Variants in ADCY8 observed in about 807,000 individuals in gnomAD.
ADCY8 encodes adenylate cyclase type 8.
Under a neutral mutation model 119.7 loss-of-function variants are expected in ADCY8, and 51 were observed. That is an observed-to-expected ratio of 0.43 (90% CI 0.34 to 0.54). The LOEUF is 0.54. Among genes scored for constraint, ADCY8 ranks in the 20% least tolerant of loss-of-function variants. The probability of loss-of-function intolerance (pLI) is 0.03; values close to 1 mark genes in which losing one functional copy is unlikely to be tolerated. For synonymous variants in ADCY8, 665 were observed against 651.0 expected (o/e 1.02, Z -0.33); for missense variants, 1,383 against 1,598.8 (o/e 0.87, Z 2.30).
At chr8:131,007,927 C>A (rs1035320741) in intron 1 of ADCY8, among the ~76,000 whole-genome samples, 3 of 152,132 alleles carry the variant, frequency 2.0e-5, no homozygotes, top group Admixed American at 2.0e-4. Flanking sequence ...ACATGAACAG[C>A]TGATTTTATT....
intron 15 of ADCY8, among the ~76,000 whole-genome samples, chr8:130,786,961 T>C (rs1246004079): frequency 2.0e-5 from 3 of 151,980 alleles, no homozygotes; most frequent in African/African-American, 7.3e-5. Flanking sequence ...GGGGCCAGCA[T>C]AGATGAGGTC....
Position 131,040,623 on chromosome 8 carries a change from C to G in ADCY8, c.-290G>C. 1 of 307,264 alleles carries G rather than the reference C, an allele frequency of 3.3e-6. No individual in the cohort carries two copies. Among genetic ancestry groups the G allele is most frequent in the Non-Finnish European group, 5.9e-6 (1 of 169,110 alleles). 19.0% of individuals were successfully genotyped at this position (307,264 alleles called of 1,614,324 possible). A position where few individuals can be genotyped will look rare whatever the true frequency, so the allele number is the denominator to read the frequency against. On this transcript the variant is annotated 5_prime_UTR_variant, in exon 1 of 18. Transcript: ENST00000286355. The stretch of plus-strand genomic sequence containing the variant: ...GGCAGTGGCTATTTGTCCTCAGGAG[C>G]CGCAGCGCTGTGAGCCACGCAGCCC...
At chr8:131,010,468 G>A (rs1483085335) in intron 1 of ADCY8, among the ~76,000 whole-genome samples, 1 of 152,140 alleles carries the variant, frequency 6.6e-6, no homozygotes, top group African/African-American at 2.4e-5. Context: ...GTTCACATCT[G>A]TGTCTTTAGT....
chr8:130,887,078 T>C (rs1337099699), intron 7 of ADCY8, among the ~76,000 whole-genome samples: 1 of 152,092 alleles, frequency 6.6e-6, no homozygotes, highest in Non-Finnish European at 1.5e-5. Flanking sequence ...ATCTACTTTG[T>C]CCTTATTTTT....
intron 1 of ADCY8, among the ~76,000 whole-genome samples, chr8:131,026,319 A>C (rs1362014449): frequency 6.6e-6 from 1 of 152,180 alleles, no homozygotes; most frequent in Non-Finnish European, 1.5e-5. Context: ...CTCACCAGGC[A>C]CCAAATCTAC....
In ADCY8 at chr8:131,039,723, G is replaced by A. The variant is rs752349474; in HGVS notation, c.611C>T (p.Ala204Val). ...LTLLVLHLSL[A>V]SAPMDPLKGI... ...CTTGAGCGGGTCCATGGGGGCCGAG[G>A]CCAGGCTCAAGTGTAGGACCAAGAG... The change falls in exon 1 of 18, where the codon GCC (alanine) becomes GTC (valine). Residue 204 changes from alanine to valine, a missense_variant. Ala to Val is a moderately conservative substitution (Grantham distance 64, BLOSUM62 0). This residue lies in a region of ADCY8 where 455 missense variants were observed against 435.3 expected (regional missense o/e 1.05). Transcript: ENST00000286355. The A allele has an allele frequency of 6.2e-7, 1 of 1,614,020 alleles. No individual in the cohort carries two copies. Among genetic ancestry groups the A allele is most frequent in the African/African-American group, 1.3e-5 (1 of 74,926 alleles).
chr8:130,887,194 T>C (rs1321949204), intron 7 of ADCY8, among the ~76,000 whole-genome samples: 7 of 152,184 alleles, frequency 4.6e-5, no homozygotes, highest in African/African-American at 1.4e-4. Context: ...GCCTGTGCTG[T>C]ATTCAGCCGT....
At chr8:130,943,222 T>C (rs553373937) in intron 4 of ADCY8, 129 bp downstream of exon 4, 71 of 646,244 alleles carry the variant, frequency 1.1e-4, no homozygotes, top group Non-Finnish European at 1.8e-4. Flanking sequence ...AGGGTCAGGG[T>C]CCATGCCTAG....
chr8:130,882,618 A>C (rs1818818866), intron 8 of ADCY8, among the ~76,000 whole-genome samples: 1 of 152,160 alleles, frequency 6.6e-6, no homozygotes, highest in Non-Finnish European at 1.5e-5. Flanking sequence ...TGACAGTTTG[A>C]CTTTGGAAAA....
intron 6 of ADCY8, 109 bp from the exon 7 acceptor site, chr8:130,904,151 G>T: frequency 9.0e-7 from 1 of 1,112,338 alleles, no homozygotes; most frequent in Non-Finnish European, 1.3e-6. Context: ...GGTATTATTA[G>T]GACATGTCCT....
Position 131,039,704 on chromosome 8 carries a change from C to G in ADCY8, c.630G>C (p.Pro210=), listed in dbSNP as rs1244596461. 1.2e-6 allele frequency: 2 copies of G among 1,613,956 alleles called. No homozygotes were observed. The highest frequency in any genetic ancestry group is 4.5e-5 in the East Asian group (2 of 44,866). The part of the protein sequence containing the change: ...HLSLASAPMD[P]LKGILLGFFT... ...AGAAGCCCAGCAGGATGCCCTTGAGCGGGTCCATGGGGGCCGAGGCCAGGC... is the reference window on the plus strand; with the variant it reads ...AGAAGCCCAGCAGGATGCCCTTGAGGGGGTCCATGGGGGCCGAGGCCAGGC... Residue 210 remains proline, a synonymous_variant, in exon 1 of 18, where the codon CCG becomes CCC. Coordinates refer to ENST00000286355, the MANE Select transcript of ADCY8 (RefSeq NM_001115.3).
At chr8:131,031,654 C>A (rs1824000801) in intron 1 of ADCY8, among the ~76,000 whole-genome samples, 1 of 152,156 alleles carries the variant, frequency 6.6e-6, no homozygotes, top group Admixed American at 6.6e-5. Context: ...TGAGTTCAAT[C>A]TCTTGCTCTT....
chr8:131,037,565 T>A (rs1207767321), intron 1 of ADCY8, among the ~76,000 whole-genome samples: 1 of 152,080 alleles, frequency 6.6e-6, no homozygotes, highest in African/African-American at 2.4e-5. Context: ...TTATAATACA[T>A]GGAATTTCTT....
At chr8:130,797,723 G>A (rs144598890) in intron 15 of ADCY8, among the ~76,000 whole-genome samples, 6 of 152,300 alleles carry the variant, frequency 3.9e-5, no homozygotes, top group South Asian at 2.1e-4. Context: ...ACACTTACCA[G>A]TGACTTCTTG....
intron 1 of ADCY8, among the ~76,000 whole-genome samples, chr8:131,018,441 A>AG (rs2130791157): frequency 6.6e-6 from 1 of 152,252 alleles, no homozygotes; most frequent in African/African-American, 2.4e-5. Flanking sequence ...TACCCTCCCC[A>AG]GGGGTTCTGT....
chr8:130,780,653 T>C lies in ADCY8; in HGVS notation c.3493A>G (p.Ile1165Val). 1.9e-6 allele frequency: 3 copies of C among 1,614,148 alleles called. No homozygotes were observed. The highest frequency in any genetic ancestry group is 1.1e-5 in the South Asian group (1 of 91,084). The change falls in exon 18 of 18, where the codon ATC becomes GTC. Residue 1165 changes from isoleucine (I) to valine (V), a missense_variant. Transcript: ENST00000286355. ...CTTCCCAGAAGAAAGTACGTTTTGA[T>C]TTTTCCTTCCTGTTCACTGATACCC... ...VKGISEQEGK[I>V]KTYFLLGRVQ...
intron 6 of ADCY8, among the ~76,000 whole-genome samples, chr8:130,909,006 TCTC>T (rs1446528041): frequency 1.6e-5 from 2 of 124,056 alleles, no homozygotes; most frequent in East Asian, 2.1e-4. Context: ...TCTCTCTCTC[TCTC>T]TTTCTCTATC....
intron 14 of ADCY8, among the ~76,000 whole-genome samples, chr8:130,808,974 G>A (rs1002605184): frequency 1.8e-4 from 2 of 11,118 alleles, no homozygotes; most frequent in African/African-American, 2.5e-3. Flanking sequence ...GAGATACTCA[G>A]GCCGGACCTC....
intron 1 of ADCY8, among the ~76,000 whole-genome samples, chr8:130,996,126 T>G (rs999605952): frequency 2.6e-5 from 4 of 152,066 alleles, no homozygotes; most frequent in African/African-American, 9.7e-5. Flanking sequence ...TAAGCAATAC[T>G]AACAAATGCA....
Sources: allele counts gnomAD v4.1 joint callset (sites outside exome capture counted in the v4.1 genomes callset), GRCh38; gene constraint gnomAD v4.1.1; regional missense constraint gnomAD v4.1.1; transcripts MANE v1.5; gene names NCBI Gene and HGNC (gene_info 2026-07-23, HGNC 2026-07-21).